The following BICD1 variants were observed in gnomAD, a reference collection of about 807,000 sequenced individuals.
BICD1 encodes BICD cargo adaptor 1, also known as protein bicaudal D homolog 1.
A neutral mutation model predicts 92.5 loss-of-function variants in BICD1; 35 were observed. The ratio of observed to expected loss-of-function variants is 0.38; its 90% CI spans 0.29 to 0.50. The LOEUF is 0.50. BICD1 is among the 20% of genes least tolerant of loss of function. BICD1 has a pLI of 0.93. For synonymous variants in BICD1, 429 were observed against 465.1 expected, an observed-to-expected ratio of 0.92 and a Z score of 1.00; for missense variants, 950 against 1,189.8, an observed-to-expected ratio of 0.80 and a Z score of 2.97.
At chr12:32,281,866 C>T (rs540250574) in intron 2 of BICD1, among the ~76,000 whole-genome samples, 14 of 152,160 alleles carry the variant, frequency 9.2e-5, no homozygotes, top group African/African-American at 2.6e-4. Context: ...ATACAAGGAG[C>T]GTGCATGGGG....
intron 2 of BICD1, among the ~76,000 whole-genome samples, chr12:32,264,588 A>G (rs1369392146): frequency 6.6e-6 from 1 of 152,142 alleles, no homozygotes; most frequent in Non-Finnish European, 1.5e-5. Context: ...CCTGGGTCCA[A>G]GCAATTCTCC....
intron 1 of BICD1, among the ~76,000 whole-genome samples, chr12:32,181,873 A>T (rs771088226): frequency 5.9e-5 from 9 of 152,068 alleles, no homozygotes; most frequent in Non-Finnish European, 8.8e-5. Flanking sequence ...AACCTGATCT[A>T]GAAGTCCCTG....
intron 6 of BICD1, 142 bp downstream of exon 6, chr12:32,334,809 C>T: frequency 1.1e-6 from 1 of 894,510 alleles, no homozygotes; most frequent in Non-Finnish European, 1.6e-6. Flanking sequence ...TGGAAGTCCA[C>T]TCTGACGTAT....
chr12:32,286,718 T>G (rs541950227), intron 2 of BICD1, among the ~76,000 whole-genome samples: 1 of 152,338 alleles, frequency 6.6e-6, no homozygotes, highest in African/African-American at 2.4e-5. Context: ...CTGTCATCCA[T>G]GTAATATATA....
At chr12:32,246,029 C>CAAAAA (rs71068311) in intron 2 of BICD1, among the ~76,000 whole-genome samples, 39 of 44,082 alleles carry the variant, frequency 8.8e-4, no homozygotes, top group African/African-American at 2.2e-3. Flanking sequence ...TACTCTGTCT[C>CAAAAA]AAAAAAAAAA....
Position 32,378,876 on chromosome 12 carries a change from G to A in BICD1, c.*1249G>A, listed in dbSNP as rs1940087133. On this transcript the variant is annotated 3_prime_UTR_variant, in exon 10 of 10. Coordinates refer to ENST00000652176, the MANE Select transcript of BICD1 (RefSeq NM_001714.4). ...TGTTCCTGGTTAATTTACAGATTCTGCTGGGTAACTTTTATGACTTGATTT... is the reference window on the plus strand; with the variant it reads ...TGTTCCTGGTTAATTTACAGATTCTACTGGGTAACTTTTATGACTTGATTT... The A allele has an allele frequency of 2.0e-5, 3 of 152,130 alleles. No individual in the cohort carries two copies. The highest frequency in any genetic ancestry group is 7.2e-5 in the African/African-American group (3 of 41,422). The allele number at this position is 152,130 out of a possible 1,614,324, so 9.4% of individuals were successfully genotyped here. A position where few individuals can be genotyped will look rare whatever the true frequency, so the allele number is the denominator to read the frequency against.
At chr12:32,120,471 T>G (rs756155536) in intron 1 of BICD1, among the ~76,000 whole-genome samples, 23 of 152,352 alleles carry the variant, frequency 1.5e-4, no homozygotes, top group Middle Eastern at 6.8e-3. Flanking sequence ...GGTCTTTGTT[T>G]TTCTCTTGCA....
intron 4 of BICD1, among the ~76,000 whole-genome samples, chr12:32,326,103 A>G (rs1230820113): frequency 6.8e-6 from 1 of 146,116 alleles, no homozygotes; most frequent in Non-Finnish European, 1.5e-5. Context: ...AAAAAAAAAG[A>G]AAGTTTGAAT....
At chr12:32,373,783 G>A (rs941692384) in intron 9 of BICD1, among the ~76,000 whole-genome samples, 1 of 151,696 alleles carries the variant, frequency 6.6e-6, no homozygotes, top group Admixed American at 6.6e-5. Context: ...GGGAGGCTGA[G>A]ACAGGAGAAT....
chr12:32,111,605 T>A (rs1400055320), intron 1 of BICD1, among the ~76,000 whole-genome samples: 2 of 152,152 alleles, frequency 1.3e-5, no homozygotes, highest in East Asian at 1.9e-4. Context: ...TTTATTTTTT[T>A]ATTTTATTTT....
At chr12:32,340,088 A>G in intron 8 of BICD1, 2 of 984,504 alleles carry the variant, frequency 2.0e-6, no homozygotes, top group Non-Finnish European at 2.4e-6. Flanking sequence ...CCGTTGAAAT[A>G]GAATTTTTTT....
At chr12:32,296,495 G>T (rs1947877888) in intron 3 of BICD1, among the ~76,000 whole-genome samples, 1 of 152,002 alleles carries the variant, frequency 6.6e-6, no homozygotes, top group African/African-American at 2.4e-5. Context: ...CTGACCTCAT[G>T]ATCTGCCCGC....
At chr12:32,307,508 A>G (rs1948262603) in intron 4 of BICD1, among the ~76,000 whole-genome samples, 1 of 148,978 alleles carries the variant, frequency 6.7e-6, no homozygotes, top group Admixed American at 6.7e-5. Context: ...AAACTGAACT[A>G]GAAATCTGGT....
At chr12:32,224,118 G>A (rs1945615484) in intron 2 of BICD1, among the ~76,000 whole-genome samples, 1 of 152,144 alleles carries the variant, frequency 6.6e-6, no homozygotes, top group African/African-American at 2.4e-5. Flanking sequence ...ATTGGTCATT[G>A]GGAGCTGTGG....
At chr12:32,363,893 A>T (rs73303956) in intron 8 of BICD1, among the ~76,000 whole-genome samples, 2 of 152,114 alleles carry the variant, frequency 1.3e-5, no homozygotes, top group Non-Finnish European at 2.9e-5. Flanking sequence ...TTCCTTATAG[A>T]TGAAGTGAGA....
At chr12:32,263,976 A>C (rs1946927776) in intron 2 of BICD1, among the ~76,000 whole-genome samples, 1 of 152,200 alleles carries the variant, frequency 6.6e-6, no homozygotes, top group African/African-American at 2.4e-5. Context: ...AGAGTAGTTC[A>C]TTTTTTAAAG....
chr12:32,177,729 T>A (rs1051600827), intron 1 of BICD1, among the ~76,000 whole-genome samples: 26 of 132,066 alleles, frequency 2.0e-4, no homozygotes, highest in African/African-American at 6.7e-4. Context: ...ATAAATATAT[T>A]TATATATTTA....
rs116118531 is a variant in BICD1 at position 32,116,532 on chromosome 12, A to C, written c.213+8988A>C. The stretch of plus-strand genomic sequence containing the variant: ...TCTCTATATATATATATATATATGT[A>C]ATTTTGAGATGGAGTCTCACTCTGT... On this transcript the variant is annotated intron_variant, in intron 1 of 9. Coordinates refer to ENST00000652176, the MANE Select transcript of BICD1 (RefSeq NM_001714.4). Among the ~76,000 whole-genome samples the C allele has an allele frequency of 2.3e-3, 320 of 139,634 alleles. 1 individual carries two copies. Among genetic ancestry groups the C allele is most frequent in the African/African-American group, 8.1e-3 (306 of 37,822 alleles). The allele number at this position is 139,634 out of a possible 152,430, so 91.6% of individuals were successfully genotyped here.
Position 32,348,724 on chromosome 12 carries a change from ATATATATATATATATATATATATAT to A in BICD1, c.2764+9746_2764+9770del, listed in dbSNP as rs1348374726. Among the ~76,000 whole-genome samples, 4 of 5,396 alleles carry A rather than the reference ATATATATATATATATATATATATAT, an allele frequency of 7.4e-4. 1 individual carries two copies. Among genetic ancestry groups the A allele is most frequent in the African/African-American group, 1.9e-3 (4 of 2,106 alleles). 3.5% of individuals were successfully genotyped at this position (5,396 alleles called of 152,430 possible). ...ATGATGCTTTCTAGCTCACACAAAA[ATATATATATATATATATATATATAT>A]ATATATATATATATATATATATATA... On this transcript the variant is annotated intron_variant, in intron 8 of 9. Transcript: ENST00000652176.
Sources: gnomAD v4.1 joint callset for allele counts (sites outside exome capture counted in the v4.1 genomes callset) on GRCh38, gnomAD v4.1.1 for gene constraint, MANE v1.5 for transcripts, NCBI Gene and HGNC (gene_info 2026-07-23, HGNC 2026-07-21) for gene names.